PCDHGA4: variants seen among roughly 807,000 people sequenced by gnomAD.
PCDHGA4 encodes the protein protocadherin gamma-A4.
PCDHGA4 carries 38 observed loss-of-function variants against 54.6 expected under a neutral mutation model. That is an observed-to-expected ratio of 0.70 (90% CI 0.54 to 0.91). PCDHGA4 has a LOEUF of 0.91. PCDHGA4 is among the 40% of genes least tolerant of loss of function. The pLI, the probability that PCDHGA4 is intolerant of heterozygous loss-of-function variation, is 0.00. For missense variants in PCDHGA4, 1,298 were observed against 1,220.9 expected (o/e 1.06, Z -0.94); for synonymous variants, 511 against 512.9 (o/e 1.00, Z 0.05).
chr5:141,490,652 C>A lies in PCDHGA4; in HGVS notation c.2515-4155C>A. ...ATCCTAGAAAACCGGCCTCCGGGCT[C>A]CCTTCTTTGCACTGTGGCTGCCTCA... On this transcript the variant is annotated intron_variant, in intron 1 of 3. Transcript: ENST00000571252. The surrounding 1 kb of genome is among the most constrained non-coding windows in gnomAD (Gnocchi z 5.4). 6.2e-7 allele frequency: 1 copy of A among 1,614,208 alleles called. No individual in the cohort carries two copies. Among genetic ancestry groups the A allele is most frequent in the Non-Finnish European group, 8.5e-7 (1 of 1,180,026 alleles).
chr5:141,360,810 G>C, intron 1 of PCDHGA4: 3 of 1,613,878 alleles, frequency 1.9e-6, no homozygotes, highest in Non-Finnish European at 2.5e-6. Context: ...AAAGTGGCAC[G>C]ACCCAAATCC....
chr5:141,434,861 T>C (rs1157640770), intron 1 of PCDHGA4, among the ~76,000 whole-genome samples: 1 of 151,998 alleles, frequency 6.6e-6, no homozygotes, highest in Non-Finnish European at 1.5e-5. Context: ...TAAATTTATA[T>C]ATATGTGACA....
At position 141,487,235 on chromosome 5, in the gene PCDHGA4, C is replaced by A. The variant is rs752316565; in HGVS notation, c.2515-7572C>A. ...TTCAGCTCCAAGGGAAGGAGAATCT[C>A]GTCTAACCCTCTACTTGGCTGTGTC... On this transcript the variant is annotated intron_variant, in intron 1 of 3. Coordinates refer to ENST00000571252, the MANE Select transcript of PCDHGA4 (RefSeq NM_018917.4). This position sits in a 1 kb window ranked among gnomAD's most constrained non-coding sequence, Gnocchi z 5.0. 11 of 1,614,126 alleles carry A rather than the reference C, an allele frequency of 6.8e-6. No homozygotes were observed. The highest frequency in any genetic ancestry group is 7.6e-6 in the Non-Finnish European group (9 of 1,179,994).
intron 1 of PCDHGA4, chr5:141,409,039 C>G: frequency 1.9e-6 from 3 of 1,614,004 alleles, no homozygotes; most frequent in Non-Finnish European, 1.7e-6. Flanking sequence ...AGATAAACTA[C>G]TACTTCCGAA....
At chr5:141,365,935 C>G in intron 1 of PCDHGA4, 2 of 1,614,224 alleles carry the variant, frequency 1.2e-6, no homozygotes, top group Non-Finnish European at 1.7e-6. Context: ...TGACAGCCAG[C>G]GACAGTGGGA....
At chr5:141,408,857 G>A (rs372861749) in intron 1 of PCDHGA4, 4 of 1,613,542 alleles carry the variant, frequency 2.5e-6, no homozygotes, top group Non-Finnish European at 3.4e-6. Flanking sequence ...GGACGGAGGG[G>A]ACCCACCAAG....
chr5:141,366,164 A>G (rs1316186931), intron 1 of PCDHGA4: 1 of 1,614,076 alleles, frequency 6.2e-7, no homozygotes, highest in Middle Eastern at 1.6e-4. Context: ...GCTTAAGGCC[A>G]GCGAGCCAGG....
Position 141,491,733 on chromosome 5 carries a change from TG to T in PCDHGA4, c.2515-3069del. 6.2e-7 allele frequency: 1 copy of T among 1,602,698 alleles called. No individual in the cohort carries two copies. Among genetic ancestry groups the T allele is most frequent in the Non-Finnish European group, 8.5e-7 (1 of 1,175,258 alleles). On this transcript the variant is annotated intron_variant, in intron 1 of 3. Coordinates refer to ENST00000571252, the MANE Select transcript of PCDHGA4 (RefSeq NM_018917.4). This position sits in a 1 kb window ranked among gnomAD's most constrained non-coding sequence, Gnocchi z 6.9. ...GCTCGGCGCCGCCCCGGGCGACCCC[TG>T]GGGGCGGCACTGGAGAAGCCGCCCG...
At chr5:141,365,968 G>A (rs1764235643) in intron 1 of PCDHGA4, 10 of 1,614,258 alleles carry the variant, frequency 6.2e-6, no homozygotes, top group African/African-American at 1.3e-5. Context: ...GCAGCAACGT[G>A]TCGCTGAGCC....
Position 141,357,451 on chromosome 5 carries a change from C to A in PCDHGA4, c.2344C>A (p.Gln782Lys). 1 of 1,614,216 alleles carries A rather than the reference C, an allele frequency of 6.2e-7. No homozygotes were observed. Among genetic ancestry groups the A allele is most frequent in the South Asian group, 1.1e-5 (1 of 91,086 alleles). The change falls in exon 1 of 4, where the codon CAG (glutamine) becomes AAG (lysine). Residue 782 changes from glutamine (Q) to lysine (K), a missense_variant. Physicochemically the swap from Gln to Lys is moderately conservative, Grantham distance 53. Coordinates refer to ENST00000571252, the MANE Select transcript of PCDHGA4 (RefSeq NM_018917.4). The part of the protein sequence containing the change: ...VGVDGVRAFL[Q>K]TYSHEVSLTA... ...CGTGGACGGGGTTCGGGCTTTCCTGCAGACCTATTCCCACGAGGTCTCCCT... is the reference window on the plus strand; with the variant it reads ...CGTGGACGGGGTTCGGGCTTTCCTGAAGACCTATTCCCACGAGGTCTCCCT...
rs772807357 is a variant in PCDHGA4, at chr5:141,431,758, C to G, written c.2515-63049C>G. On this transcript the variant is annotated intron_variant, in intron 1 of 3. Transcript: ENST00000571252. This position sits in a 1 kb window ranked among gnomAD's most constrained non-coding sequence, Gnocchi z 4.8. ...CAGGATATTCTGCGCGAGCCAAAGTCCTGATCACTGTTCTGGACGTGAACG... is the reference window on the plus strand; with the variant it reads ...CAGGATATTCTGCGCGAGCCAAAGTGCTGATCACTGTTCTGGACGTGAACG... 2.0e-5 allele frequency: 32 copies of G among 1,614,054 alleles called. No individual in the cohort carries two copies. The highest frequency in any genetic ancestry group is 2.6e-5 in the Non-Finnish European group (31 of 1,180,028).
chr5:141,415,717 A>G, intron 1 of PCDHGA4: 1 of 839,652 alleles, frequency 1.2e-6, no homozygotes, highest in Non-Finnish European at 1.8e-6. Flanking sequence ...AACACTGATG[A>G]GTAGAATTTG....
chr5:141,356,160 A>C lies in PCDHGA4; in HGVS notation c.1053A>C (p.Glu351Asp). 6.2e-7 allele frequency: 1 copy of C among 1,613,338 alleles called. No homozygotes were observed. The highest frequency in any genetic ancestry group is 8.5e-7 in the Non-Finnish European group (1 of 1,179,572). ...CTGGATTCTATGACATAGATGTAGAAGCCCATGATGGGCCTGGTCTCCGAG... is the reference window on the plus strand; with the variant it reads ...CTGGATTCTATGACATAGATGTAGACGCCCATGATGGGCCTGGTCTCCGAG... ...EDSGFYDIDV[E>D]AHDGPGLRAR... The change falls in exon 1 of 4, where the codon GAA becomes GAC. Residue 351 changes from glutamate (E) to aspartate (D), a missense_variant. Coordinates refer to ENST00000571252, the MANE Select transcript of PCDHGA4 (RefSeq NM_018917.4).
At chr5:141,390,867 C>CATGT in intron 1 of PCDHGA4, 1 of 151,040 alleles carries the variant, frequency 6.6e-6, no homozygotes, top group East Asian at 1.9e-4. Flanking sequence ...GCTGTGTGTG[C>CATGT]GTGTGTGTGT....
At chr5:141,448,926 C>T (rs528128105) in intron 1 of PCDHGA4, among the ~76,000 whole-genome samples, 5 of 152,256 alleles carry the variant, frequency 3.3e-5, no homozygotes, top group African/African-American at 9.6e-5. Context: ...GCCTGGGCGA[C>T]AGAGCAAGAC....
At chr5:141,422,041 G>T in intron 1 of PCDHGA4, 3 of 1,611,632 alleles carry the variant, frequency 1.9e-6, no homozygotes, top group South Asian at 1.1e-5. Context: ...GGATCCAGAC[G>T]AGGGAATCAA....
Position 141,357,576 on chromosome 5 carries a change from G to A in PCDHGA4, c.2469G>A (p.Leu823=), listed in dbSNP as rs781394563. ...RESCEKSEPL[L]ITQDLLETKG... ...GTTGTGAGAAAAGCGAGCCTCTTCT[G>A]ATAACTCAGGATTTACTTGAAACAA... The change falls in exon 1 of 4, where the codon CTG becomes CTA. Residue 823 remains leucine (L), a synonymous_variant. Coordinates refer to ENST00000571252, the MANE Select transcript of PCDHGA4 (RefSeq NM_018917.4). 3.1e-6 allele frequency: 5 copies of A among 1,614,056 alleles called. No homozygotes were observed. The African/African-American group carries it at 5.3e-5, about 17-fold the overall frequency.
At chr5:141,377,180 A>G (rs1032248697) in intron 1 of PCDHGA4, 4 of 152,210 alleles carry the variant, frequency 2.6e-5, no homozygotes, top group African/African-American at 9.7e-5. Flanking sequence ...TCTTCTTGGC[A>G]AACTATTTGT....
At chr5:141,381,512 A>T (rs1777240689) in intron 1 of PCDHGA4, among the ~76,000 whole-genome samples, 1 of 152,218 alleles carries the variant, frequency 6.6e-6, no homozygotes, top group Non-Finnish European at 1.5e-5. Context: ...ATAGAGTAGG[A>T]TGAAGATTTG....
Sources: allele counts gnomAD v4.1 joint callset (sites outside exome capture counted in the v4.1 genomes callset), GRCh38; gene constraint gnomAD v4.1.1; non-coding constraint Gnocchi (gnomAD v3.1); transcripts MANE v1.5; gene names NCBI Gene and HGNC (gene_info 2026-07-23, HGNC 2026-07-21).